Variants in UVRAG observed in about 807,000 individuals in gnomAD.
UVRAG encodes UV radiation resistance-associated gene protein.
Under a neutral mutation model 78.0 loss-of-function variants are expected in UVRAG, and 19 were observed. The observed-to-expected ratio is 0.24, with a 90% CI of 0.17 to 0.36. The LOEUF (loss-of-function observed/expected upper bound fraction) is 0.36, where lower values mean the gene tolerates loss of function less well. UVRAG is among the 10% of genes least tolerant of loss of function. The pLI, the probability that UVRAG is intolerant of heterozygous loss-of-function variation, is 1.00. For synonymous variants in UVRAG, 323 were observed against 324.6 expected, an observed-to-expected ratio of 1.00 and a Z score of 0.05; for missense variants, 740 against 853.8, an observed-to-expected ratio of 0.87 and a Z score of 1.66.
At chr11:76,002,723 C>G (rs1949839841) in intron 8 of UVRAG, among the ~76,000 whole-genome samples, 2 of 152,048 alleles carry the variant, frequency 1.3e-5, no homozygotes, top group South Asian at 4.2e-4. Context: ...CTGTTGGGGT[C>G]AGAGTTCCCA....
chr11:75,946,134 A>C (rs1948584470), intron 6 of UVRAG, among the ~76,000 whole-genome samples: 1 of 152,176 alleles, frequency 6.6e-6, no homozygotes, highest in South Asian at 2.1e-4. Context: ...TGTTTATTGC[A>C]TGAATATGTA....
At chr11:75,943,791 A>G (rs960359539) in intron 6 of UVRAG, among the ~76,000 whole-genome samples, 3 of 152,156 alleles carry the variant, frequency 2.0e-5, no homozygotes, top group African/African-American at 4.8e-5. Context: ...AAGTATTTAT[A>G]AGCAATAGTA....
intron 5 of UVRAG, among the ~76,000 whole-genome samples, chr11:75,902,991 T>C (rs1947539836): frequency 1.3e-5 from 2 of 152,230 alleles, no homozygotes; most frequent in African/African-American, 2.4e-5. Context: ...CTCTCTGGTC[T>C]GATTGCTTTC....
intron 14 of UVRAG, among the ~76,000 whole-genome samples, chr11:76,123,725 C>G (rs562715747): frequency 1.3e-5 from 2 of 152,190 alleles, no homozygotes; most frequent in South Asian, 4.2e-4. Context: ...TCAACGCTAT[C>G]ACTTAATTTT....
Position 75,840,347 on chromosome 11 carries a change from A to G in UVRAG, c.118-11536A>G, listed in dbSNP as rs1182441735. ...AGGAAATGAGGGGTGGGGGAAAGAG[A>G]CACTTACAGAGGGCGGTAGCGGATC... On this transcript the variant is annotated intron_variant, in intron 1 of 14. Coordinates refer to ENST00000356136, the MANE Select transcript of UVRAG (RefSeq NM_003369.4). Among the ~76,000 whole-genome samples the G allele has an allele frequency of 2.0e-5, 3 of 151,996 alleles. 1 individual carries two copies. Among genetic ancestry groups the G allele is most frequent in the African/African-American group, 7.3e-5 (3 of 41,368 alleles).
At chr11:75,871,499 G>A (rs1047513777) in intron 3 of UVRAG, among the ~76,000 whole-genome samples, 1 of 151,588 alleles carries the variant, frequency 6.6e-6, no homozygotes, top group Non-Finnish European at 1.5e-5. Flanking sequence ...GGCCAGATTG[G>A]TCTCGAACTC....
At chr11:75,986,433 T>C (rs1018433638) in intron 8 of UVRAG, among the ~76,000 whole-genome samples, 55 of 152,272 alleles carry the variant, frequency 3.6e-4, no homozygotes, top group African/African-American at 1.3e-3. Flanking sequence ...GGAAGCCTTA[T>C]AGACAGATTA....
chr11:75,919,712 C>T (rs961433994), intron 6 of UVRAG, among the ~76,000 whole-genome samples: 5 of 152,136 alleles, frequency 3.3e-5, no homozygotes, highest in Non-Finnish European at 4.4e-5. Context: ...AAGTTACTCA[C>T]GAGAATTATG....
chr11:76,120,024 C>T (rs892990294), intron 14 of UVRAG, among the ~76,000 whole-genome samples: 1 of 152,196 alleles, frequency 6.6e-6, no homozygotes, highest in Non-Finnish European at 1.5e-5. Flanking sequence ...AGTGGTTGCA[C>T]TCACTCTTCC....
intron 13 of UVRAG, among the ~76,000 whole-genome samples, chr11:76,097,967 A>C (rs1230777261): frequency 6.6e-6 from 1 of 151,534 alleles, no homozygotes; most frequent in African/African-American, 2.4e-5. Context: ...CTATTACTTT[A>C]ATCTACTTTC....
At chr11:76,002,180 G>A (rs1222181158) in intron 8 of UVRAG, among the ~76,000 whole-genome samples, 3 of 152,058 alleles carry the variant, frequency 2.0e-5, no homozygotes, top group Non-Finnish European at 4.4e-5. Context: ...TTAGAATTTA[G>A]GTTGAGTTTT....
intron 13 of UVRAG, among the ~76,000 whole-genome samples, chr11:76,115,113 G>A (rs1036898359): frequency 5.3e-5 from 8 of 152,108 alleles, no homozygotes; most frequent in South Asian, 2.1e-4. Flanking sequence ...GGTCAGTTAC[G>A]GAAGCAAATG....
intron 1 of UVRAG, among the ~76,000 whole-genome samples, chr11:75,838,029 C>A (rs565603824): frequency 6.6e-6 from 1 of 151,892 alleles, no homozygotes; most frequent in Admixed American, 6.6e-5. Context: ...ATACCACCAC[C>A]GCTGCAATCC....
At position 75,851,901 on chromosome 11, in the gene UVRAG, C is replaced by T. The variant is rs780899186; in HGVS notation, c.136C>T (p.Arg46Trp). 13 of 1,611,668 alleles carry T rather than the reference C, an allele frequency of 8.1e-6. No homozygotes were observed. Among genetic ancestry groups the T allele is most frequent in the Non-Finnish European group, 1.0e-5 (12 of 1,179,478 alleles). ...TTTTCAGCGGCGTCTTCGACATCTT[C>T]GGAACATTGCTGCCCGGAACATTGT... is the stretch of plus-strand genomic sequence containing the variant. Reference protein sequence around the residue: ...PSQQRRLRHLRNIAARNIVNR... With the variant: ...PSQQRRLRHLWNIAARNIVNR... Residue 46 changes from arginine (R) to tryptophan (W), a missense_variant, in exon 2 of 15, where the codon CGG (arginine) becomes TGG (tryptophan). By Grantham distance (101) the Arg-to-Trp change is moderately radical. Transcript: ENST00000356136.
At chr11:75,825,883 C>G (rs1268240827) in intron 1 of UVRAG, among the ~76,000 whole-genome samples, 2 of 151,718 alleles carry the variant, frequency 1.3e-5, no homozygotes, top group African/African-American at 4.8e-5. Flanking sequence ...GTCACCCAGG[C>G]TGGAGTACAG....
chr11:76,140,823 C>A lies in UVRAG; in HGVS notation c.1510C>A (p.Arg504=). ...GGIPSPDKGH[R]KRASSENERL... ...GATCCCTTCACCAGACAAAGGACAT[C>A]GAAAACGGGCCAGCTCTGAGAATGA... The change falls in exon 15 of 15, where the codon CGA becomes AGA. Residue 504 remains arginine (R), a synonymous_variant. Coordinates refer to ENST00000356136, the MANE Select transcript of UVRAG (RefSeq NM_003369.4). The A allele has an allele frequency of 6.2e-7, 1 of 1,614,100 alleles. No individual in the cohort carries two copies. Among genetic ancestry groups the A allele is most frequent in the Middle Eastern group, 1.6e-4 (1 of 6,062 alleles).
At chr11:75,911,680 G>T in intron 5 of UVRAG, 1 of 271,146 alleles carries the variant, frequency 3.7e-6, no homozygotes, top group South Asian at 6.0e-5. Context: ...CTGGCACTGT[G>T]GTGGGAGGGA....
intron 1 of UVRAG, chr11:75,835,237 G>A (rs544569549): frequency 6.6e-6 from 1 of 152,208 alleles, no homozygotes; most frequent in Non-Finnish European, 1.5e-5. Flanking sequence ...AAGTGTAGTA[G>A]TGAGAAGCGG....
chr11:75,898,058 A>G (rs1382924397), intron 5 of UVRAG, among the ~76,000 whole-genome samples: 2 of 150,736 alleles, frequency 1.3e-5, no homozygotes, highest in African/African-American at 2.4e-5. Flanking sequence ...TTTAGTAGAG[A>G]TGGGGTTTCA....
Sources: gnomAD v4.1 joint callset for allele counts (sites outside exome capture counted in the v4.1 genomes callset) on GRCh38, gnomAD v4.1.1 for gene constraint, MANE v1.5 for transcripts, NCBI Gene and HGNC (gene_info 2026-07-23, HGNC 2026-07-21) for gene names.